The following LRRC37A2 variants were observed in gnomAD, a reference collection of about 807,000 sequenced individuals.
LRRC37A2 encodes leucine rich repeat containing 37 member A2.
Under a neutral mutation model 68.8 loss-of-function variants are expected in LRRC37A2, and 9 were observed. The ratio of observed to expected loss-of-function variants is 0.13; its 90% CI spans 0.08 to 0.23. The LOEUF is 0.23. Ranked by LOEUF, LRRC37A2 falls within the 10% of genes least tolerant of loss-of-function variation. LRRC37A2 has a pLI of 1.00. For synonymous variants in LRRC37A2, 63 were observed against 367.6 expected (o/e 0.17, Z 9.48); for missense variants, 168 against 950.4 (o/e 0.18, Z 10.82).
At chr17:46,941,784 C>T in the LRRC37A2 span, 1 of 189,376 alleles carries the variant, frequency 5.3e-6, no homozygotes, top group Admixed American at 6.8e-5. Context: ...CAGGGTTTTA[C>T]TATGTTGACC....
chr17:46,872,623 C>T, the LRRC37A2 span: 76 of 1,613,266 alleles, frequency 4.7e-5, no homozygotes, highest in Non-Finnish European at 6.1e-5. Context: ...GAAGCTGTCC[C>T]GGCGGCAGAA....
the LRRC37A2 span, among the ~76,000 whole-genome samples, chr17:46,776,044 T>A: frequency 6.6e-6 from 1 of 152,236 alleles, no homozygotes; most frequent in East Asian, 1.9e-4. Flanking sequence ...AGGGTCATTA[T>A]TAGCCCCATT....
the LRRC37A2 span, among the ~76,000 whole-genome samples, chr17:46,840,057 TCTTTC>T: frequency 1.3e-5 from 2 of 150,468 alleles, no homozygotes; most frequent in South Asian, 4.2e-4. Flanking sequence ...TCTCTCTCTC[TCTTTC>T]CTTTCTTTCC....
At chr17:46,809,780 A>G in the LRRC37A2 span, among the ~76,000 whole-genome samples, 2 of 152,010 alleles carry the variant, frequency 1.3e-5, no homozygotes, top group Admixed American at 6.5e-5. Flanking sequence ...CCCCGTGACC[A>G]GTTGGCTTCA....
chr17:46,770,136 G>T, the LRRC37A2 span: 1 of 1,446,780 alleles, frequency 6.9e-7, no homozygotes, highest in Non-Finnish European at 9.1e-7. Context: ...GACGTGAGGG[G>T]AACGAGGCCA....
the LRRC37A2 span, among the ~76,000 whole-genome samples, chr17:46,493,959 C>A: frequency 2.0e-5 from 3 of 151,126 alleles, no homozygotes; most frequent in Non-Finnish European, 4.4e-5. Flanking sequence ...CTCCCACCAC[C>A]TCAGCCTCCG....
chr17:46,830,021 T>C, the LRRC37A2 span, among the ~76,000 whole-genome samples: 1 of 152,138 alleles, frequency 6.6e-6, no homozygotes, highest in South Asian at 2.1e-4. Context: ...CTAAGACCTG[T>C]TATTATCATG....
the LRRC37A2 span, chr17:46,769,687 G>A: frequency 1.3e-6 from 2 of 1,537,002 alleles, no homozygotes; most frequent in East Asian, 2.3e-5. Flanking sequence ...GCGACCCACA[G>A]GGCTGCCGGA....
chr17:46,611,737 AGACCTAAACCTGTTAAGTTCTTC>A, the LRRC37A2 span, among the ~76,000 whole-genome samples: 1 of 149,768 alleles, frequency 6.7e-6, no homozygotes, highest in Non-Finnish European at 1.5e-5. Context: ...AATGGATCAA[AGACCTAAACCTGTTAAGTTCTTC>A]GAAGGAAACA....
chr17:46,500,902 G>A, the LRRC37A2 span, among the ~76,000 whole-genome samples: 3 of 151,006 alleles, frequency 2.0e-5, no homozygotes, highest in Non-Finnish European at 2.9e-5. Context: ...GTTCTGGGCC[G>A]GGCACTGTGG....
At chr17:46,934,392 T>C in the LRRC37A2 span, among the ~76,000 whole-genome samples, 3 of 152,132 alleles carry the variant, frequency 2.0e-5, no homozygotes, top group Non-Finnish European at 2.9e-5. Flanking sequence ...CATGGTAGCA[T>C]GCACCTATGG....
At chr17:46,753,782 A>C in the LRRC37A2 span, among the ~76,000 whole-genome samples, 1 of 152,196 alleles carries the variant, frequency 6.6e-6, no homozygotes, top group African/African-American at 2.4e-5. Context: ...GACATTTCAT[A>C]GGCCTCTGAG....
At chr17:46,490,477 C>T in the LRRC37A2 span, among the ~76,000 whole-genome samples, 1 of 151,094 alleles carries the variant, frequency 6.6e-6, no homozygotes, top group Non-Finnish European at 1.5e-5. Context: ...AATCCCAGCA[C>T]TTTGGGAGGC....
the LRRC37A2 span, among the ~76,000 whole-genome samples, chr17:46,569,195 GC>G: frequency 6.6e-6 from 1 of 151,736 alleles, no homozygotes; most frequent in African/African-American, 2.4e-5. Flanking sequence ...TGATCCACCA[GC>G]CTTGGCTTCC....
At chr17:46,986,297 A>T in the LRRC37A2 span, among the ~76,000 whole-genome samples, 1 of 152,154 alleles carries the variant, frequency 6.6e-6, no homozygotes, top group African/African-American at 2.4e-5. Context: ...GATGATGATG[A>T]TGGTAACTGC....
At chr17:46,867,977 G>A in the LRRC37A2 span, among the ~76,000 whole-genome samples, 7 of 152,146 alleles carry the variant, frequency 4.6e-5, no homozygotes, top group Admixed American at 3.9e-4. Context: ...GCACAGACTG[G>A]GGGCAGCAAG....
the LRRC37A2 span, among the ~76,000 whole-genome samples, chr17:47,003,480 G>A: frequency 6.6e-6 from 1 of 152,244 alleles, no homozygotes; most frequent in African/African-American, 2.4e-5. Context: ...AAGCCCAGTG[G>A]CTGGCCACTC....
the LRRC37A2 span, chr17:46,818,424 C>T: frequency 1.5e-6 from 2 of 1,290,628 alleles, no homozygotes; most frequent in Non-Finnish European, 2.2e-6. Context: ...AGAGGAGCCC[C>T]AGCCCTGCAG....
the LRRC37A2 span, among the ~76,000 whole-genome samples, chr17:46,791,064 G>A: frequency 0.32 from 48,322 of 151,964 alleles, 8,671 homozygotes; most frequent in Non-Finnish European, 0.42. Flanking sequence ...TTTGTGAGTA[G>A]GTGGAAGTTC....
Sources: allele counts gnomAD v4.1 joint callset (sites outside exome capture counted in the v4.1 genomes callset), GRCh38; gene constraint gnomAD v4.1.1; transcripts MANE v1.5; gene names NCBI Gene and HGNC (gene_info 2026-07-23, HGNC 2026-07-21).